CEP192: variants seen among roughly 807,000 people sequenced by gnomAD.
CEP192 encodes the protein centrosomal protein of 192 kDa.
In CEP192, 151 loss-of-function variants were observed where a neutral mutation model predicts 271.8. That is an observed-to-expected ratio of 0.56 (90% CI 0.49 to 0.64). The LOEUF is 0.64. CEP192 is among the 30% of genes least tolerant of loss of function. The pLI is 0.00. For missense variants in CEP192, 2,910 were observed against 3,020.5 expected (o/e 0.96, Z 0.86); for synonymous variants, 995 against 1,076.5 (o/e 0.92, Z 1.48).
intron 44 of CEP192, among the ~76,000 whole-genome samples, chr18:13,119,929 C>T (rs2040590178): frequency 6.6e-6 from 1 of 152,312 alleles, no homozygotes; most frequent in Admixed American, 6.5e-5. Flanking sequence ...CTTTATGTCA[C>T]TGTTCTCCAT....
At chr18:13,029,148 G>GT (rs111914853) in intron 9 of CEP192, among the ~76,000 whole-genome samples, 1,577 of 152,354 alleles carry the variant, frequency 0.01, 17 homozygotes, top group East Asian at 0.037. Context: ...TTGGAAAAAT[G>GT]TTTTGGAGAG....
At chr18:13,042,477 A>G (rs190540873) in intron 15 of CEP192, 143 bp downstream of exon 15, 1 of 841,514 alleles carries the variant, frequency 1.2e-6, no homozygotes, top group East Asian at 2.7e-5. Flanking sequence ...GTGTCCTTTA[A>G]ATTTTTCTTT....
chr18:13,064,632 A>T (rs1369776400), intron 21 of CEP192, among the ~76,000 whole-genome samples: 2 of 146,634 alleles, frequency 1.4e-5, no homozygotes, highest in Non-Finnish European at 3.0e-5. Context: ...AAAAAAAAAG[A>T]GTTGACTGTA....
At chr18:13,067,241 CT>C (rs1460302161) in intron 21 of CEP192, among the ~76,000 whole-genome samples, 1 of 152,074 alleles carries the variant, frequency 6.6e-6, no homozygotes, top group Non-Finnish European at 1.5e-5. Context: ...TGTGCCTAGG[CT>C]ATATGCAAAT....
chr18:13,096,425 C>T, intron 36 of CEP192, 118 bp downstream of exon 36: 2 of 1,346,416 alleles, frequency 1.5e-6, no homozygotes, highest in Non-Finnish European at 2.0e-6. Context: ...CGTGCTGACT[C>T]TGCACAAAGC....
intron 40 of CEP192, among the ~76,000 whole-genome samples, chr18:13,111,380 C>T (rs991810131): frequency 6.6e-6 from 1 of 152,220 alleles, no homozygotes; most frequent in Non-Finnish European, 1.5e-5. Context: ...CTGCCTTGGC[C>T]TCCCAAAGTG....
chr18:13,059,408 G>A lies in CEP192; in HGVS notation c.4488+96G>A, dbSNP rs148835754. ...ATTTGGGAAAAAGAAATTTGTGGAC[G>A]AAGGTGCCACAAAATTAGTTTCAAG... On this transcript the variant is annotated intron_variant, in intron 21 of 44. Transcript: ENST00000506447. The A allele has an allele frequency of 7.6e-4, 695 of 916,592 alleles. 5 individuals carry two copies. In the African/African-American group the frequency reaches 0.011, roughly 14 times the overall value. 56.8% of individuals were successfully genotyped at this position (916,592 alleles called of 1,614,324 possible). A position where few individuals can be genotyped will look rare whatever the true frequency, so the allele number is the denominator to read the frequency against.
At chr18:13,033,606 T>A (rs115602942) in intron 11 of CEP192, among the ~76,000 whole-genome samples, 2 of 152,366 alleles carry the variant, frequency 1.3e-5, no homozygotes, top group African/African-American at 4.8e-5. Context: ...ACATGGTGTA[T>A]GTGCAGGCTC....
At position 13,072,602 on chromosome 18, in the gene CEP192, T is replaced by C. The variant is rs2038068695; in HGVS notation, c.5349-153T>C. ...CCTACAATTTCAGAAACGTAGAGCC[T>C]AGGACTGTGGGGAGACAATTCCAGG... On this transcript the variant is annotated intron_variant, in intron 28 of 44. Coordinates refer to ENST00000506447, the MANE Select transcript of CEP192 (RefSeq NM_032142.4). 2.0e-5 allele frequency among the ~76,000 whole-genome samples: 3 copies of C among 152,230 alleles called. No individual in the cohort carries two copies. In the South Asian group the frequency reaches 6.2e-4, roughly 32 times the overall value.
intron 38 of CEP192, 112 bp from the exon 39 acceptor site, chr18:13,103,397 T>A (rs1267845509): frequency 2.7e-6 from 2 of 750,678 alleles, no homozygotes; most frequent in African/African-American, 3.5e-5. Flanking sequence ...CCTTTAGGGA[T>A]CTAATGATTG....
chr18:13,010,506 A>G (rs764288030), intron 4 of CEP192, among the ~76,000 whole-genome samples: 1 of 152,208 alleles, frequency 6.6e-6, no homozygotes, highest in Admixed American at 6.5e-5. Flanking sequence ...GATGAATTGG[A>G]TTTCAGAATT....
intron 10 of CEP192, among the ~76,000 whole-genome samples, 196 bp from the exon 11 acceptor site, chr18:13,030,269 G>A (rs746858686): frequency 1.3e-5 from 2 of 152,106 alleles, no homozygotes; most frequent in Non-Finnish European, 2.9e-5. Context: ...TTTTTTGTGA[G>A]TAAGGCTGGC....
chr18:13,103,653 A>C, intron 39 of CEP192, 65 bp downstream of exon 39: 1 of 1,229,758 alleles, frequency 8.1e-7, no homozygotes, highest in Non-Finnish European at 1.2e-6. Context: ...ATGTTCTAAA[A>C]ACTGACTATG....
At position 13,059,141 on chromosome 18, in the gene CEP192, T is replaced by C. The variant is rs533749491; in HGVS notation, c.4317T>C (p.His1439=). 3.1e-6 allele frequency: 5 copies of C among 1,614,134 alleles called. No homozygotes were observed. Among genetic ancestry groups the C allele is most frequent in the East Asian group, 4.5e-5 (2 of 44,884 alleles). ...VFKNKAIIRP[H]ATEEIKVLFI... is the part of the protein sequence containing the mutation. ...AGAATAAAGCCATCATAAGACCTCA[T>C]GCCACAGAAGAGATAAAAGTGCTTT... Residue 1439 remains histidine (H), a synonymous_variant, in exon 21 of 45, where the codon CAT becomes CAC. Transcript: ENST00000506447.
intron 21 of CEP192, among the ~76,000 whole-genome samples, chr18:13,060,867 T>C (rs2037372268): frequency 6.6e-6 from 1 of 151,846 alleles, no homozygotes; most frequent in Non-Finnish European, 1.5e-5. Flanking sequence ...GAGGCTATAG[T>C]GAACTATGAT....
chr18:13,121,967 T>G (rs1459035901), intron 44 of CEP192, among the ~76,000 whole-genome samples: 3 of 152,254 alleles, frequency 2.0e-5, no homozygotes, highest in Non-Finnish European at 4.4e-5. Flanking sequence ...GTGTACTGGC[T>G]TTTTTTCTGT....
At chr18:13,093,855 A>G (rs1355305980) in intron 34 of CEP192, among the ~76,000 whole-genome samples, 1 of 152,234 alleles carries the variant, frequency 6.6e-6, no homozygotes, top group Admixed American at 6.5e-5. Context: ...AGATAAGGAC[A>G]TTAGTGTGTG....
intron 36 of CEP192, among the ~76,000 whole-genome samples, chr18:13,097,706 G>A (rs1207611524): frequency 2.7e-5 from 4 of 147,080 alleles, no homozygotes; most frequent in Admixed American, 2.0e-4. Context: ...GGATTTGGCA[G>A]GGTCATAGGA....
At chr18:13,122,656 T>C (rs1249296608) in intron 44 of CEP192, among the ~76,000 whole-genome samples, 1 of 152,154 alleles carries the variant, frequency 6.6e-6, no homozygotes, top group Admixed American at 6.5e-5. Context: ...GCCCTTTCCA[T>C]GTAGATGGGG....
Sources: gnomAD v4.1 joint callset for allele counts (sites outside exome capture counted in the v4.1 genomes callset) on GRCh38, gnomAD v4.1.1 for gene constraint, MANE v1.5 for transcripts, NCBI Gene and HGNC (gene_info 2026-07-23, HGNC 2026-07-21) for gene names.